PHF24: variants seen among roughly 807,000 people sequenced by gnomAD.
The protein encoded by PHF24 is PHD finger protein 24.
In PHF24, 25 loss-of-function variants were observed where a neutral mutation model predicts 42.6. The ratio of observed to expected loss-of-function variants is 0.59; its 90% CI spans 0.43 to 0.82. The LOEUF is 0.82. PHF24 is among the 40% of genes least tolerant of loss of function. The pLI is 0.00. For synonymous variants in PHF24, 185 were observed against 204.8 expected (o/e 0.90, Z 0.83); for missense variants, 470 against 538.1 (o/e 0.87, Z 1.25).
chr9:34,850,480 G>A, the PHF24 span, among the ~76,000 whole-genome samples: 3 of 151,940 alleles, frequency 2.0e-5, no homozygotes, highest in Non-Finnish European at 4.4e-5. Context: ...TCTCTGTATT[G>A]GTTATTCTAG....
the PHF24 span, among the ~76,000 whole-genome samples, chr9:34,772,980 C>T: frequency 6.6e-6 from 1 of 151,496 alleles, no homozygotes; most frequent in South Asian, 2.1e-4. Flanking sequence ...ATATCTAGCT[C>T]TCAGAGTTCT....
intron 1 of PHF24, among the ~76,000 whole-genome samples, chr9:34,959,202 G>C (rs1334791526): frequency 6.6e-6 from 1 of 152,202 alleles, no homozygotes; most frequent in Admixed American, 6.5e-5. Flanking sequence ...AGGTTTGACC[G>C]TGCGGAAGGA....
chr9:34,689,719 C>A, the PHF24 span: 9 of 1,410,598 alleles, frequency 6.4e-6, no homozygotes, highest in African/African-American at 1.3e-4. The surrounding 1 kb of genome is among the most constrained non-coding windows in gnomAD (Gnocchi z 4.1). Flanking sequence ...TGCAGAGGAG[C>A]TGGAAGCCTG....
chr9:34,733,863 A>T, the PHF24 span, among the ~76,000 whole-genome samples: 2 of 152,198 alleles, frequency 1.3e-5, no homozygotes, highest in African/African-American at 2.4e-5. Flanking sequence ...GTTATAAAAA[A>T]GTTCCAATTC....
At chr9:34,937,036 C>CGCCCCGTCCGGGAGGTGGGGGGGTCAG in the PHF24 span, among the ~76,000 whole-genome samples, 6 of 120,088 alleles carry the variant, frequency 5.0e-5, no homozygotes, top group Non-Finnish European at 8.7e-5. Context: ...GGGGGTCAGC[C>CGCCCCGTCCGGGAGGTGGGGGGGTCAG]CCCCCCCCGG....
the PHF24 span, among the ~76,000 whole-genome samples, chr9:34,763,553 G>A: frequency 1.3e-5 from 2 of 152,120 alleles, no homozygotes; most frequent in Middle Eastern, 3.4e-3. Flanking sequence ...ATTTTGTATC[G>A]TGAGACTTTG....
intron 7 of PHF24, 25 bp from the exon 8 acceptor site, chr9:34,977,990 A>T (rs759317302): frequency 2.5e-6 from 4 of 1,579,004 alleles, no homozygotes; most frequent in Non-Finnish European, 3.5e-6. Flanking sequence ...CAGCCTCACG[A>T]CTCTGTTCTT....
chr9:34,694,159 CTTTTTTTT>C, the PHF24 span, among the ~76,000 whole-genome samples: 26 of 66,178 alleles, frequency 3.9e-4, 1 homozygote, highest in South Asian at 3.4e-3. Context: ...TATCTCTATT[CTTTTTTTT>C]TTTTTTTTTT....
chr9:34,772,101 G>A, the PHF24 span, among the ~76,000 whole-genome samples: 1 of 152,110 alleles, frequency 6.6e-6, no homozygotes, highest in African/African-American at 2.4e-5. Flanking sequence ...TTCAGCTGAG[G>A]TTTCAGCTCA....
At chr9:34,817,791 A>G in the PHF24 span, among the ~76,000 whole-genome samples, 2 of 152,192 alleles carry the variant, frequency 1.3e-5, no homozygotes, top group African/African-American at 2.4e-5. Context: ...GGAACAAGAT[A>G]TAGGATTGAA....
chr9:34,980,941 T>C (rs1045354457), exon 8 of PHF24: 2 of 152,274 alleles, frequency 1.3e-5, no homozygotes, highest in African/African-American at 4.8e-5. Flanking sequence ...AGCTGGAGGA[T>C]GTGGTGGAGC....
chr9:34,687,514 C>A, the PHF24 span, among the ~76,000 whole-genome samples: 1 of 152,104 alleles, frequency 6.6e-6, no homozygotes, highest in Non-Finnish European at 1.5e-5. Flanking sequence ...GGGGCAGAGA[C>A]AGGATCATGG....
At chr9:34,919,726 A>G in the PHF24 span, among the ~76,000 whole-genome samples, 1 of 152,124 alleles carries the variant, frequency 6.6e-6, no homozygotes. Flanking sequence ...ACCCCTGGTA[A>G]CCATCATTCT....
At chr9:34,859,730 C>T in the PHF24 span, among the ~76,000 whole-genome samples, 5 of 152,090 alleles carry the variant, frequency 3.3e-5, no homozygotes, top group Non-Finnish European at 7.4e-5. Context: ...AGACCCATAA[C>T]TATTTAGGAT....
the PHF24 span, among the ~76,000 whole-genome samples, chr9:34,952,468 C>T: frequency 5.5e-4 from 84 of 152,214 alleles, no homozygotes; most frequent in Non-Finnish European, 7.4e-5. Flanking sequence ...TAGCGCAGTG[C>T]CAATTAAAAT....
chr9:34,966,228 C>T (rs1826762918), intron 1 of PHF24, among the ~76,000 whole-genome samples: 1 of 152,198 alleles, frequency 6.6e-6, no homozygotes, highest in South Asian at 2.1e-4. Flanking sequence ...ATATACACCT[C>T]CCACCTGCCA....
the PHF24 span, among the ~76,000 whole-genome samples, chr9:34,681,850 A>G: frequency 6.6e-6 from 1 of 152,308 alleles, no homozygotes; most frequent in Admixed American, 6.5e-5. Context: ...AAATGAGGTC[A>G]TAATCCGATA....
the PHF24 span, among the ~76,000 whole-genome samples, chr9:34,844,542 T>C: frequency 6.6e-6 from 1 of 152,216 alleles, no homozygotes. Flanking sequence ...ATTTGATCCA[T>C]TGGTTATTCA....
At chr9:34,957,908 C>G (rs1170080042), upstream of PHF24, among the ~76,000 whole-genome samples, 1 of 151,860 alleles carries the variant, frequency 6.6e-6, no homozygotes, top group Non-Finnish European at 1.5e-5. Flanking sequence ...GCCGCCTCCT[C>G]CGGGCGGGCA....
Sources: gnomAD v4.1 joint callset for allele counts (sites outside exome capture counted in the v4.1 genomes callset) on GRCh38, gnomAD v4.1.1 for gene constraint, Gnocchi (gnomAD v3.1) non-coding constraint, MANE v1.5 for transcripts, NCBI Gene and HGNC (gene_info 2026-07-23, HGNC 2026-07-21) for gene names.